CNTN4: variants seen among roughly 807,000 people sequenced by gnomAD.
CNTN4 encodes the protein contactin 4, also known as contactin-4.
In CNTN4, 77 loss-of-function variants were observed where a neutral mutation model predicts 122.5. That is an observed-to-expected ratio of 0.63 (90% CI 0.52 to 0.76). The LOEUF (loss-of-function observed/expected upper bound fraction) is 0.76. CNTN4 is among the 30% of genes least tolerant of loss of function. The probability of loss-of-function intolerance (pLI) is 0.00; values close to 1 mark genes in which losing one functional copy is unlikely to be tolerated. For synonymous variants in CNTN4, 512 were observed against 447.0 expected (o/e 1.15, Z -1.83); for missense variants, 1,256 against 1,259.1 (o/e 1.00, Z 0.04).
At chr3:2,549,323 A>G (rs1411629287) in intron 3 of CNTN4, among the ~76,000 whole-genome samples, 1 of 152,100 alleles carries the variant, frequency 6.6e-6, no homozygotes, top group Non-Finnish European at 1.5e-5. Flanking sequence ...TCAGTATGGT[A>G]TTGCCTGTGG....
chr3:2,183,306 G>T (rs1206367852), intron 2 of CNTN4, among the ~76,000 whole-genome samples: 1 of 152,052 alleles, frequency 6.6e-6, no homozygotes, highest in Non-Finnish European at 1.5e-5. Flanking sequence ...ACAAAGCAAG[G>T]CACAATTTAT....
chr3:2,780,721 C>T (rs925207616), intron 6 of CNTN4, among the ~76,000 whole-genome samples: 16 of 152,268 alleles, frequency 1.1e-4, no homozygotes, highest in Middle Eastern at 3.4e-3. Context: ...CCAGTACATA[C>T]GCATGCCCTT....
intron 3 of CNTN4, among the ~76,000 whole-genome samples, chr3:2,421,335 C>T (rs2047610660): frequency 6.6e-6 from 1 of 151,756 alleles, no homozygotes; most frequent in East Asian, 1.9e-4. Context: ...TCAGTGCAAC[C>T]TCTACTCACG....
intron 23 of CNTN4, among the ~76,000 whole-genome samples, chr3:3,047,827 G>A (rs7373859): frequency 0.78 from 116,152 of 149,864 alleles, 45,192 homozygotes; most frequent in East Asian, 0.88. Flanking sequence ...CAAAAAATCA[G>A]TGAATCCAGG....
chr3:2,120,492 T>A (rs997542858), intron 2 of CNTN4, among the ~76,000 whole-genome samples: 8 of 148,952 alleles, frequency 5.4e-5, no homozygotes, highest in South Asian at 4.3e-4. Flanking sequence ...CGAGCTCGCT[T>A]CCTGGGATCA....
intron 2 of CNTN4, among the ~76,000 whole-genome samples, chr3:2,270,448 C>T (rs2041246318): frequency 7.5e-6 from 1 of 133,790 alleles, no homozygotes; most frequent in Non-Finnish European, 1.6e-5. Flanking sequence ...CAGTTAGAGG[C>T]ACAGAGGGTA....
rs370107185 is a variant in CNTN4 at position 3,018,712 on chromosome 3, C to G, written c.1487-7390C>G. On this transcript the variant is annotated intron_variant, in intron 14 of 24. Transcript: ENST00000418658. The stretch of plus-strand genomic sequence containing the variant: ...CATGTATACACACATAGATATTTCC[C>G]AGCTCTGTTGCTGAGAAGGCCTAGG... Among the ~76,000 whole-genome samples the G allele has an allele frequency of 1.9e-4, 29 of 152,248 alleles. 2 individuals are homozygous for G. In the East Asian group the frequency reaches 3.1e-3, roughly 16 times the overall value.
intron 2 of CNTN4, among the ~76,000 whole-genome samples, chr3:2,265,451 G>T (rs1318506820): frequency 6.6e-6 from 1 of 151,980 alleles, no homozygotes; most frequent in Admixed American, 6.6e-5. Flanking sequence ...CATGTGGTTT[G>T]TGTTACTATG....
At chr3:2,217,147 C>A (rs2038877361) in intron 2 of CNTN4, among the ~76,000 whole-genome samples, 1 of 152,086 alleles carries the variant, frequency 6.6e-6, no homozygotes, top group South Asian at 2.1e-4. Context: ...AGTCTGCTTC[C>A]CGGGACTTTG....
chr3:2,630,731 TA>T (rs869129717), intron 4 of CNTN4, among the ~76,000 whole-genome samples: 1,835 of 124,028 alleles, frequency 0.015, 28 homozygotes, highest in African/African-American at 0.044. Context: ...TGTGTGTGTG[TA>T]CTATATGTTT....
intron 3 of CNTN4, among the ~76,000 whole-genome samples, chr3:2,409,327 A>G (rs1008956949): frequency 6.7e-6 from 1 of 149,746 alleles, no homozygotes; most frequent in Non-Finnish European, 1.5e-5. Flanking sequence ...GACTCACTGC[A>G]AGCTCCGCCT....
chr3:2,379,794 C>G (rs1353529250), intron 3 of CNTN4, among the ~76,000 whole-genome samples: 1 of 152,066 alleles, frequency 6.6e-6, no homozygotes, highest in East Asian at 1.9e-4. Context: ...GTGGCTCACG[C>G]CTGTAATCCT....
chr3:2,489,958 T>G (rs2076268389), intron 3 of CNTN4, among the ~76,000 whole-genome samples: 3 of 152,156 alleles, frequency 2.0e-5, no homozygotes, highest in Admixed American at 2.0e-4. Flanking sequence ...TTTATATTTT[T>G]CTACAACCAC....
chr3:2,806,991 A>G (rs1157887680), intron 6 of CNTN4, among the ~76,000 whole-genome samples: 1 of 152,022 alleles, frequency 6.6e-6, no homozygotes. Context: ...ACTATGTGTG[A>G]TTTGTTTATT....
At chr3:2,139,496 T>C (rs1447824566) in intron 2 of CNTN4, among the ~76,000 whole-genome samples, 1 of 152,220 alleles carries the variant, frequency 6.6e-6, no homozygotes, top group Non-Finnish European at 1.5e-5. Flanking sequence ...ATTACAGCAA[T>C]GGCTATGAAC....
intron 6 of CNTN4, among the ~76,000 whole-genome samples, chr3:2,749,998 A>G (rs1183883179): frequency 1.3e-5 from 2 of 152,210 alleles, no homozygotes; most frequent in African/African-American, 2.4e-5. Flanking sequence ...TTACTGCACT[A>G]TACCATGCAA....
Position 3,033,104 on chromosome 3 carries a change from G to A in CNTN4, c.1784-1528G>A, listed in dbSNP as rs187856804. On this transcript the variant is annotated intron_variant, in intron 16 of 24. Coordinates refer to ENST00000418658, the MANE Select transcript of CNTN4 (RefSeq NM_175607.3). ...CAGAGGGAAACACTTTTCTATTTGT[G>A]GTACTTAGATTTTAAAGGACATCAG... 2.7e-3 allele frequency among the ~76,000 whole-genome samples: 413 copies of A among 152,096 alleles called. 1 individual carries two copies. The highest frequency in any genetic ancestry group is 9.5e-3 in the African/African-American group (396 of 41,478).
intron 6 of CNTN4, among the ~76,000 whole-genome samples, chr3:2,819,089 T>G (rs2092805629): frequency 6.6e-6 from 1 of 152,160 alleles, no homozygotes; most frequent in African/African-American, 2.4e-5. Flanking sequence ...CTCAGTTTCT[T>G]CACCTAGACC....
chr3:2,355,404 G>A (rs1301172760), intron 3 of CNTN4, among the ~76,000 whole-genome samples: 1 of 152,146 alleles, frequency 6.6e-6, no homozygotes, highest in Non-Finnish European at 1.5e-5. Context: ...TCAGTTGTCA[G>A]AAACAGAAAC....
Sources: gnomAD v4.1 joint callset for allele counts (sites outside exome capture counted in the v4.1 genomes callset) on GRCh38, gnomAD v4.1.1 for gene constraint, MANE v1.5 for transcripts, NCBI Gene and HGNC (gene_info 2026-07-23, HGNC 2026-07-21) for gene names.